The following COL4A2 variants were observed in gnomAD, a reference collection of about 807,000 sequenced individuals.
The protein encoded by COL4A2 is collagen alpha-2(IV) chain.
A neutral mutation model predicts 200.2 loss-of-function variants in COL4A2; 99 were observed. The observed-to-expected ratio is 0.49, with a 90% confidence interval of 0.42 to 0.58. The LOEUF is 0.58. Among genes scored for constraint, COL4A2 ranks in the 20% least tolerant of loss-of-function variants. COL4A2 has a pLI of 0.00. For synonymous variants in COL4A2, 897 were observed against 900.6 expected (o/e 1.00, Z 0.07); for missense variants, 1,950 against 2,314.1 (o/e 0.84, Z 3.23).
At chr13:110,476,131 A>G (rs4332629) in intron 29 of COL4A2, among the ~76,000 whole-genome samples, 3,563 of 152,134 alleles carry the variant, frequency 0.023, 128 homozygotes, top group South Asian at 0.071. Flanking sequence ...CCCACAGTCC[A>G]TGTCCCTGGG....
Position 110,491,028 on chromosome 13 carries a change from A to G in COL4A2, c.3347-205A>G, listed in dbSNP as rs148498462. 2.7e-3 allele frequency among the ~76,000 whole-genome samples: 410 copies of G among 152,258 alleles called. 1 individual carries two copies. Among genetic ancestry groups the G allele is most frequent in the African/African-American group, 9.4e-3 (392 of 41,554 alleles). On this transcript the variant is annotated intron_variant, in intron 36 of 47. Coordinates refer to ENST00000360467, the MANE Select transcript of COL4A2 (RefSeq NM_001846.4). ...AAGACAGTGAGGGGTGCATGGGTAC[A>G]TGGGTGCTGCCTTGGAAGCTGGCTA...
chr13:110,472,689 A>G (rs1882525246), intron 28 of COL4A2, among the ~76,000 whole-genome samples: 1 of 152,050 alleles, frequency 6.6e-6, no homozygotes, highest in Admixed American at 6.5e-5. Context: ...GTCCACCTTC[A>G]CTCAGTTTTA....
chr13:110,447,411 G>A (rs774130395), intron 18 of COL4A2, among the ~76,000 whole-genome samples: 1 of 152,174 alleles, frequency 6.6e-6, no homozygotes, highest in Non-Finnish European at 1.5e-5. Context: ...ACCTTGGAGT[G>A]TAAACGAAGG....
chr13:110,489,328 G>C, intron 34 of COL4A2, 117 bp from the exon 35 acceptor site: 1 of 1,006,252 alleles, frequency 9.9e-7, no homozygotes, highest in South Asian at 1.4e-5. Flanking sequence ...AAAATGACAA[G>C]ATCACAAACC....
At chr13:110,333,813 G>C (rs115046442) in intron 3 of COL4A2, among the ~76,000 whole-genome samples, 144 of 152,308 alleles carry the variant, frequency 9.5e-4, no homozygotes, top group African/African-American at 3.4e-3. Context: ...TAAATAATAA[G>C]AGCTCTTACC....
intron 4 of COL4A2, among the ~76,000 whole-genome samples, chr13:110,389,465 A>C (rs1878901026): frequency 6.6e-6 from 1 of 152,252 alleles, no homozygotes; most frequent in Non-Finnish European, 1.5e-5. Context: ...AGTGATCAGC[A>C]GCAGCGAAGA....
chr13:110,431,427 A>G (rs1880677312), intron 10 of COL4A2, among the ~76,000 whole-genome samples: 2 of 152,178 alleles, frequency 1.3e-5, no homozygotes, highest in South Asian at 2.1e-4. Flanking sequence ...TCTTCAGATT[A>G]TAATAAATGA....
At chr13:110,436,972 C>G (rs1449946420) in intron 13 of COL4A2, among the ~76,000 whole-genome samples, 1 of 152,204 alleles carries the variant, frequency 6.6e-6, no homozygotes, top group Non-Finnish European at 1.5e-5. Flanking sequence ...GATGGCGACA[C>G]TGACCTCCTG....
intron 3 of COL4A2, among the ~76,000 whole-genome samples, chr13:110,334,072 C>T (rs550812398): frequency 2.6e-5 from 4 of 152,308 alleles, no homozygotes; most frequent in East Asian, 3.9e-4. Flanking sequence ...GCTTTGAGGG[C>T]GAGGGTCACA....
chr13:110,419,863 A>G (rs1349507220), intron 4 of COL4A2, among the ~76,000 whole-genome samples: 2 of 152,248 alleles, frequency 1.3e-5, no homozygotes, highest in African/African-American at 2.4e-5. Context: ...TTTAACCCAC[A>G]TAAATACTCT....
At chr13:110,426,113 C>A (rs1216758849) in intron 6 of COL4A2, among the ~76,000 whole-genome samples, 1 of 152,092 alleles carries the variant, frequency 6.6e-6, no homozygotes, top group African/African-American at 2.4e-5. Context: ...TCTGCACAAC[C>A]CAAAGATTAA....
chr13:110,446,957 C>G, intron 18 of COL4A2, 93 bp downstream of exon 18: 1 of 960,102 alleles, frequency 1.0e-6, no homozygotes, highest in Non-Finnish European at 1.5e-6. Context: ...GACAGATATT[C>G]TAAGCAACCC....
chr13:110,386,463 G>T (rs1285128804), intron 4 of COL4A2, among the ~76,000 whole-genome samples: 1 of 152,134 alleles, frequency 6.6e-6, no homozygotes, highest in Non-Finnish European at 1.5e-5. Context: ...ATCATTTCTA[G>T]CCATGCAATT....
intron 3 of COL4A2, among the ~76,000 whole-genome samples, chr13:110,349,063 C>T (rs1235116232): frequency 6.6e-6 from 1 of 152,152 alleles, no homozygotes; most frequent in African/African-American, 2.4e-5. Context: ...TTAAATGATA[C>T]TCATGTCTGA....
Position 110,501,736 on chromosome 13 carries a change from T to A in COL4A2, c.3829T>A (p.Ser1277Thr), listed in dbSNP as rs1342539034. 1 of 1,613,684 alleles carries A rather than the reference T, an allele frequency of 6.2e-7. No individual in the cohort carries two copies. The highest frequency in any genetic ancestry group is 1.1e-5 in the South Asian group (1 of 91,056). Residue 1277 changes from serine (S) to threonine (T), a missense_variant, in exon 41 of 48, where the codon TCT becomes ACT. Transcript: ENST00000360467. ...TGGTATCACACCCCCTTCCAACATC[T>A]CTGGGGCACCTGGTGACAAAGGGGC... ...FPGITPPSNI[S>T]GAPGDKGAPG...
intron 4 of COL4A2, among the ~76,000 whole-genome samples, chr13:110,409,028 G>A (rs867825095): frequency 9.1e-6 from 1 of 109,938 alleles, no homozygotes; most frequent in Non-Finnish European, 1.8e-5. Flanking sequence ...ATGGACACGC[G>A]CACACGTTTA....
At chr13:110,377,437 G>A (rs1878282595) in intron 4 of COL4A2, among the ~76,000 whole-genome samples, 1 of 152,066 alleles carries the variant, frequency 6.6e-6, no homozygotes, top group African/African-American at 2.4e-5. Context: ...ACTGAGCAAG[G>A]GCACACACTC....
chr13:110,482,023 T>G (rs1291089243), intron 31 of COL4A2, among the ~76,000 whole-genome samples: 2 of 151,910 alleles, frequency 1.3e-5, no homozygotes, highest in Admixed American at 6.6e-5. Flanking sequence ...TGGAGACACA[T>G]GGGTTGGTCT....
rs764089587 is a variant in COL4A2 at position 110,495,324 on chromosome 13, G to A, written c.3635-18G>A. The A allele has an allele frequency of 3.7e-6, 6 of 1,613,970 alleles. No homozygotes were observed. The highest frequency in any genetic ancestry group is 1.1e-5 in the South Asian group (1 of 91,072). ...GTTGGAAACACCGACATCAGCTGCT[G>A]TTATAACTCTTCCACAGGTTCTGAC... On this transcript the variant is annotated intron_variant, in intron 39 of 47. Transcript: ENST00000360467.
Sources: allele counts gnomAD v4.1 joint callset (sites outside exome capture counted in the v4.1 genomes callset), GRCh38; gene constraint gnomAD v4.1.1; transcripts MANE v1.5; gene names NCBI Gene and HGNC (gene_info 2026-07-23, HGNC 2026-07-21).